SLC28A2: variants seen among roughly 807,000 people sequenced by gnomAD.
The protein encoded by SLC28A2 is sodium/nucleoside cotransporter 2.
In SLC28A2, 69 loss-of-function variants were observed where a neutral mutation model predicts 72.9. The ratio of observed to expected loss-of-function variants is 0.95; its 90% CI spans 0.78 to 1.16. SLC28A2 has a LOEUF of 1.16. Ranked by LOEUF, SLC28A2 falls within the 50% of genes most tolerant of loss-of-function variation. The pLI is 0.00. For missense variants in SLC28A2, 745 were observed against 791.1 expected (o/e 0.94, Z 0.70); for synonymous variants, 296 against 294.1 (o/e 1.01, Z -0.07).
At chr15:45,262,577 C>CA (rs1900196070) in intron 4 of SLC28A2, among the ~76,000 whole-genome samples, 1 of 152,108 alleles carries the variant, frequency 6.6e-6, no homozygotes, top group African/African-American at 2.4e-5. Flanking sequence ...ATGGTGGGAG[C>CA]AAAAATTATA....
chr15:45,268,999 A>C (rs1192227716), intron 13 of SLC28A2, among the ~76,000 whole-genome samples: 1 of 120,188 alleles, frequency 8.3e-6, no homozygotes, highest in Non-Finnish European at 1.6e-5. Context: ...AGGGAACATC[A>C]CACTCTGGGG....
chr15:45,265,210 TAGAGGAATAAAGC>T, intron 8 of SLC28A2, 44 bp downstream of exon 8: 1 of 1,263,672 alleles, frequency 7.9e-7, no homozygotes, highest in South Asian at 1.2e-5. Flanking sequence ...TATGGAGGGG[TAGAGGAATAAAGC>T]AGAGGATGAA....
intron 3 of SLC28A2, among the ~76,000 whole-genome samples, chr15:45,257,316 C>T (rs149753073): frequency 1.3e-5 from 2 of 152,198 alleles, no homozygotes; most frequent in African/African-American, 4.8e-5. Context: ...CTATCTGACC[C>T]TCTCTTATAA....
At chr15:45,252,499 A>G (rs1279884134) in intron 1 of SLC28A2, among the ~76,000 whole-genome samples, 1 of 152,240 alleles carries the variant, frequency 6.6e-6, no homozygotes, top group Non-Finnish European at 1.5e-5. Context: ...TGCAAAGTAA[A>G]TAAATATCTC....
chr15:45,266,924 G>T (rs982588242), intron 10 of SLC28A2, among the ~76,000 whole-genome samples: 2 of 152,122 alleles, frequency 1.3e-5, no homozygotes, highest in African/African-American at 4.8e-5. Context: ...TTAAATAATA[G>T]ATACCATTAT....
intron 17 of SLC28A2, 29 bp downstream of exon 17, chr15:45,272,813 T>G: frequency 3.4e-6 from 4 of 1,193,846 alleles, no homozygotes; most frequent in Non-Finnish European, 5.0e-6. Context: ...TTCCTTTCTC[T>G]CACACACGGC....
Position 45,253,473 on chromosome 15 carries a change from A to C in SLC28A2, c.123A>C (p.Ala41=). ...VEPEGSKRTD[A]QGHSLGDGLG... is the part of the protein sequence containing the mutation. Reference sequence around the variant, plus strand: ...CTGAGGGAAGCAAGAGGACTGACGCACAAGGACACAGCCTGGGGGATGGAC... The same window carrying C: ...CTGAGGGAAGCAAGAGGACTGACGCCCAAGGACACAGCCTGGGGGATGGAC... The change falls in exon 3 of 18, where the codon GCA becomes GCC. Residue 41 remains alanine (A), a synonymous_variant. Transcript: ENST00000347644. The C allele has an allele frequency of 6.2e-6, 10 of 1,614,046 alleles. No individual in the cohort carries two copies. Among genetic ancestry groups the C allele is most frequent in the Non-Finnish European group, 8.5e-6 (10 of 1,179,908 alleles).
chr15:45,264,989 C>A, intron 7 of SLC28A2, 100 bp from the exon 8 acceptor site: 1 of 957,458 alleles, frequency 1.0e-6, no homozygotes, highest in Non-Finnish European at 1.7e-6. Flanking sequence ...ACCTCAGTAG[C>A]AACAGTAGGT....
chr15:45,267,731 G>A lies in SLC28A2; in HGVS notation c.1134G>A (p.Lys378=). 3 of 1,614,138 alleles carry A rather than the reference G, an allele frequency of 1.9e-6. No homozygotes were observed. Among genetic ancestry groups the A allele is most frequent in the Non-Finnish European group, 1.7e-6 (2 of 1,180,030 alleles). Residue 378 remains lysine (K), a synonymous_variant, in exon 12 of 18, where the codon AAG becomes AAA. Transcript: ENST00000347644. ...CCCCTTGTGCTCTCGCCTCATCAAAGCTAGCGTATCCGGAAGTGGAGGAGT... is the reference window on the plus strand; with the variant it reads ...CCCCTTGTGCTCTCGCCTCATCAAAACTAGCGTATCCGGAAGTGGAGGAGT... ...MAAPCALASS[K]LAYPEVEESK...
intron 4 of SLC28A2, among the ~76,000 whole-genome samples, chr15:45,262,610 A>G (rs1900196705): frequency 6.6e-6 from 1 of 152,200 alleles, no homozygotes; most frequent in African/African-American, 2.4e-5. Context: ...TAAGAGAGCC[A>G]TGGGATGAGG....
In SLC28A2 at chr15:45,265,569, C is replaced by T; in HGVS notation, c.781-14C>T. 6.3e-7 allele frequency: 1 copy of T among 1,589,962 alleles called. No individual in the cohort carries two copies. ...AATGTAACATCTCACCACCTGCTAC[C>T]ATTCTCATTACAGGCCTTACCAATC... On this transcript the variant is annotated splice_polypyrimidine_tract_variant and intron_variant, in intron 8 of 17. Transcript: ENST00000347644.
At position 45,264,657 on chromosome 15, in the gene SLC28A2, G is replaced by T. The variant is rs745310438; in HGVS notation, c.591G>T (p.Val197=). 1 of 1,594,948 alleles carries T rather than the reference G, an allele frequency of 6.3e-7. No individual in the cohort carries two copies. Among genetic ancestry groups the T allele is most frequent in the Non-Finnish European group, 8.6e-7 (1 of 1,162,648 alleles). ...LFACSKHHSA[V]SWRTVFSGLG... is the part of the protein sequence containing the mutation. ...AATAATATTCTTATTGATCCTAGGTGTCCTGGAGGACAGTGTTTTCGGGCC... is the reference window on the plus strand; with the variant it reads ...AATAATATTCTTATTGATCCTAGGTTTCCTGGAGGACAGTGTTTTCGGGCC... The change falls in exon 7 of 18, where the codon GTG becomes GTT. Residue 197 remains valine, a splice_region_variant and synonymous_variant. Transcript: ENST00000347644.
chr15:45,257,713 C>T (rs567223300), intron 3 of SLC28A2, among the ~76,000 whole-genome samples: 2 of 152,196 alleles, frequency 1.3e-5, no homozygotes, highest in South Asian at 4.1e-4. Flanking sequence ...GATGCTTTTC[C>T]ATACTGATAC....
chr15:45,254,154 A>C (rs1899899492), intron 3 of SLC28A2, among the ~76,000 whole-genome samples: 1 of 152,218 alleles, frequency 6.6e-6, no homozygotes, highest in Admixed American at 6.5e-5. Context: ...AAAATAGATC[A>C]TATGGAAAGA....
intron 9 of SLC28A2, 74 bp downstream of exon 9, chr15:45,265,737 T>C: frequency 1.0e-6 from 1 of 991,328 alleles, no homozygotes; most frequent in South Asian, 1.3e-5. Flanking sequence ...AAAATGCCCA[T>C]AGCTAAGGTC....
At chr15:45,263,510 T>C (rs796488330) in intron 5 of SLC28A2, among the ~76,000 whole-genome samples, 5 of 152,290 alleles carry the variant, frequency 3.3e-5, no homozygotes, top group African/African-American at 1.2e-4. Context: ...GTGTCAGAAA[T>C]GAGAAAAATC....
chr15:45,272,811 T>C (rs1242449761), intron 17 of SLC28A2, 27 bp downstream of exon 17: 1 of 1,224,722 alleles, frequency 8.2e-7, no homozygotes, highest in Admixed American at 1.7e-5. Flanking sequence ...CATTCCTTTC[T>C]CTCACACACG....
At position 45,275,610 on chromosome 15, in the gene SLC28A2, G is replaced by C. The variant is rs1900732027; in HGVS notation, c.*97G>C. 5 of 748,000 alleles carry C rather than the reference G, an allele frequency of 6.7e-6. No individual in the cohort carries two copies. The Admixed American group carries it at 1.1e-4, about 16-fold the overall frequency. The allele number at this position is 748,000 out of a possible 1,614,324, so 46.3% of individuals were successfully genotyped here. ...AGGGTGCCCACAACTCACTCACCAA[G>C]ATGTTTAACAGTAAGTAACAGTAAA... On this transcript the variant is annotated 3_prime_UTR_variant, in exon 18 of 18. Coordinates refer to ENST00000347644, the MANE Select transcript of SLC28A2 (RefSeq NM_004212.4).
intron 13 of SLC28A2, among the ~76,000 whole-genome samples, 168 bp from the exon 14 acceptor site, chr15:45,269,170 T>C (rs1355516318): frequency 2.0e-5 from 3 of 150,676 alleles, no homozygotes; most frequent in African/African-American, 7.3e-5. Context: ...AGTATAATAA[T>C]AATAAAAAAA....
Sources: gnomAD v4.1 joint callset for allele counts (sites outside exome capture counted in the v4.1 genomes callset) on GRCh38, gnomAD v4.1.1 for gene constraint, MANE v1.5 for transcripts, NCBI Gene and HGNC (gene_info 2026-07-23, HGNC 2026-07-21) for gene names.